The following LGR6 variants were observed in gnomAD, a reference collection of about 807,000 sequenced individuals.
The protein encoded by LGR6 is leucine-rich repeat-containing G protein-coupled receptor 6.
Under a neutral mutation model 69.4 loss-of-function variants are expected in LGR6, and 45 were observed. The ratio of observed to expected loss-of-function variants is 0.65; its 90% CI spans 0.51 to 0.83. LGR6 has a LOEUF of 0.83. Ranked by LOEUF, LGR6 falls within the 40% of genes least tolerant of loss-of-function variation. The pLI, the probability that LGR6 is intolerant of heterozygous loss-of-function variation, is 0.00. For synonymous variants in LGR6, 538 were observed against 555.0 expected (o/e 0.97, Z 0.43); for missense variants, 1,108 against 1,246.7 (o/e 0.89, Z 1.68).
intron 3 of LGR6, among the ~76,000 whole-genome samples, chr1:202,231,360 G>T (rs1006766753): frequency 6.6e-6 from 1 of 152,210 alleles, no homozygotes; most frequent in Non-Finnish European, 1.5e-5. Flanking sequence ...GCTGGGCTCT[G>T]TCCGAGCCTC....
At chr1:202,275,394 C>T (rs3010084) in intron 4 of LGR6, among the ~76,000 whole-genome samples, 66,362 of 151,996 alleles carry the variant, frequency 0.44, 16,333 homozygotes, top group East Asian at 0.7. Context: ...GCTGTCGTGG[C>T]CTGGGCACAT....
intron 4 of LGR6, among the ~76,000 whole-genome samples, chr1:202,255,363 G>T (rs1663678688): frequency 6.6e-6 from 1 of 152,186 alleles, no homozygotes; most frequent in South Asian, 2.1e-4. Context: ...GCATGGCCTT[G>T]AGATTCCATT....
intron 7 of LGR6, among the ~76,000 whole-genome samples, 192 bp from the exon 8 acceptor site, chr1:202,300,657 G>GAAA (rs111707317): frequency 1.9e-5 from 2 of 105,114 alleles, no homozygotes; most frequent in African/African-American, 3.7e-5. Context: ...CCCTGTCTCA[G>GAAA]AAAAAAAAAA....
rs561614256 is a variant in LGR6, at chr1:202,304,624, G to A, written c.1064G>A (p.Arg355Gln). ...SGMCQQLPRL[R>Q]VLELSHNQIE... ...ATGTGCCAACAGCTGCCCAGGCTCC[G>A]AGTCCTGTGAGTGCTCACAAGAATT... The change falls in exon 11 of 18, where the codon CGA (arginine) becomes CAA (glutamine). Residue 355 changes from arginine (R) to glutamine (Q), a missense_variant. By Grantham distance (43) the Arg-to-Gln change is conservative. Coordinates refer to ENST00000367278, the MANE Select transcript of LGR6 (RefSeq NM_001017403.2). 3.9e-5 allele frequency: 62 copies of A among 1,608,170 alleles called. No homozygotes were observed. The highest frequency in any genetic ancestry group is 1.5e-4 in the South Asian group (14 of 90,562).
intron 4 of LGR6, among the ~76,000 whole-genome samples, chr1:202,249,733 A>C (rs1157265565): frequency 6.6e-6 from 1 of 152,118 alleles, no homozygotes; most frequent in Non-Finnish European, 1.5e-5. Context: ...GTGACTGTAC[A>C]TCCTGTTCGC....
intron 4 of LGR6, among the ~76,000 whole-genome samples, chr1:202,241,562 G>A (rs1325713398): frequency 6.6e-6 from 1 of 152,174 alleles, no homozygotes; most frequent in Non-Finnish European, 1.5e-5. Flanking sequence ...AGTTTGGGAG[G>A]GGGGAGAATG....
chr1:202,269,226 G>A (rs902279713), intron 4 of LGR6, among the ~76,000 whole-genome samples: 1 of 152,056 alleles, frequency 6.6e-6, no homozygotes, highest in Non-Finnish European at 1.5e-5. Flanking sequence ...GTAAACACAG[G>A]CTTTTCATCC....
intron 4 of LGR6, among the ~76,000 whole-genome samples, chr1:202,241,702 CAGA>C (rs1290267920): frequency 2.0e-5 from 3 of 150,652 alleles, no homozygotes; most frequent in South Asian, 2.1e-4. Context: ...CATGGCAAAG[CAGA>C]AGAAGTGGGG....
At chr1:202,247,493 C>G (rs1353667696) in intron 4 of LGR6, among the ~76,000 whole-genome samples, 1 of 152,106 alleles carries the variant, frequency 6.6e-6, no homozygotes, top group Non-Finnish European at 1.5e-5. Context: ...AGTCTCCAAC[C>G]CTTAGAACCG....
intron 4 of LGR6, among the ~76,000 whole-genome samples, chr1:202,259,760 T>TTCCCTGAACTCTGCA (rs1476685859): frequency 6.6e-6 from 1 of 152,080 alleles, no homozygotes; most frequent in East Asian, 1.9e-4. Context: ...CCACCCTGGC[T>TTCCCTGAACTCTGCA]TCCCTGAACT....
chr1:202,255,374 A>T (rs1256327594), intron 4 of LGR6, among the ~76,000 whole-genome samples: 1 of 152,120 alleles, frequency 6.6e-6, no homozygotes, highest in Non-Finnish European at 1.5e-5. Flanking sequence ...AGATTCCATT[A>T]CCAGGACCTG....
In LGR6 at chr1:202,300,917, C is replaced by T. The variant is rs866514672; in HGVS notation, c.854C>T (p.Thr285Met). ...TTCATGGGGAACCCTCTGCTACAGA[C>T]GATGTGAGTACTACTTTCTCTGGTC... Reference protein sequence around the residue: ...KAFMGNPLLQTIHFYDNPIQF... With the variant: ...KAFMGNPLLQMIHFYDNPIQF... Residue 285 changes from threonine to methionine, a missense_variant, in exon 8 of 18, where the codon ACG becomes ATG. Thr to Met is a moderately conservative substitution (Grantham distance 81). Coordinates refer to ENST00000367278, the MANE Select transcript of LGR6 (RefSeq NM_001017403.2). 4.3e-6 allele frequency: 7 copies of T among 1,610,136 alleles called. No individual in the cohort carries two copies. The Middle Eastern group carries it at 5.0e-4, about 114-fold the overall frequency.
chr1:202,243,316 G>A (rs1038286545), intron 4 of LGR6, among the ~76,000 whole-genome samples: 12 of 152,084 alleles, frequency 7.9e-5, no homozygotes, highest in South Asian at 6.2e-4. Flanking sequence ...GGGAGCCTGG[G>A]TTGAGGGGAT....
At chr1:202,271,845 G>T (rs1002594300) in intron 4 of LGR6, among the ~76,000 whole-genome samples, 2 of 150,914 alleles carry the variant, frequency 1.3e-5, no homozygotes, top group Admixed American at 1.3e-4. Flanking sequence ...AGGGGAGAGA[G>T]GAGAAAGTTT....
At chr1:202,309,267 A>G in intron 15 of LGR6, 91 bp downstream of exon 15, 1 of 1,492,034 alleles carries the variant, frequency 6.7e-7, no homozygotes, top group Non-Finnish European at 9.1e-7. Flanking sequence ...CCCTGAGAAG[A>G]GCCTAGAGGC....
chr1:202,239,076 T>G (rs1661904555), intron 4 of LGR6, among the ~76,000 whole-genome samples: 1 of 152,198 alleles, frequency 6.6e-6, no homozygotes, highest in African/African-American at 2.4e-5. Context: ...CTGACGTAAC[T>G]GCTACGCGGT....
chr1:202,307,293 T>C (rs1171594724), intron 13 of LGR6, 37 bp from the exon 14 acceptor site: 1 of 1,599,318 alleles, frequency 6.3e-7, no homozygotes, highest in Non-Finnish European at 8.6e-7. Flanking sequence ...CCTCCACATG[T>C]TACTGTCCCC....
intron 4 of LGR6, among the ~76,000 whole-genome samples, chr1:202,255,007 G>A (rs1243985556): frequency 7.2e-5 from 11 of 152,212 alleles, no homozygotes; most frequent in Non-Finnish European, 1.5e-4. Flanking sequence ...GCGGGGATGG[G>A]GTGTGACATT....
intron 3 of LGR6, 104 bp from the exon 4 acceptor site, chr1:202,235,818 G>A: frequency 1.1e-6 from 1 of 903,244 alleles, no homozygotes; most frequent in East Asian, 2.4e-5. Context: ...GGGGTGAGAA[G>A]GAGGGGTCTG....
Sources: allele counts gnomAD v4.1 joint callset (sites outside exome capture counted in the v4.1 genomes callset), GRCh38; gene constraint gnomAD v4.1.1; transcripts MANE v1.5; gene names NCBI Gene and HGNC (gene_info 2026-07-23, HGNC 2026-07-21).